Variants in ZNF451 observed in about 807,000 individuals in gnomAD.
ZNF451 encodes zinc finger protein 451, also known as E3 SUMO-protein ligase ZNF451.
ZNF451 carries 80 observed loss-of-function variants against 107.1 expected under a neutral mutation model. The ratio of observed to expected loss-of-function variants is 0.75; its 90% confidence interval spans 0.62 to 0.90. The LOEUF is 0.90. Ranked by LOEUF, ZNF451 falls within the 40% of genes least tolerant of loss-of-function variation. The probability of loss-of-function intolerance (pLI) is 0.00; values close to 1 mark genes in which losing one functional copy is unlikely to be tolerated. For synonymous variants in ZNF451, 362 were observed against 406.5 expected (o/e 0.89, Z 1.32); for missense variants, 1,107 against 1,236.2 (o/e 0.90, Z 1.57).
chr6:57,104,358 TTA>T lies in ZNF451; in HGVS notation c.186+5219_186+5220del, dbSNP rs568149502. ...AGTGGTGAGAGACCTTGGAAATGTT[TTA>T]TGTGGCTGCACATAAGTGTTTCTGA... On this transcript the variant is annotated intron_variant, in intron 3 of 14. Transcript: ENST00000370706. 1.3e-3 allele frequency: 1,297 copies of T among 985,426 alleles called. 2 individuals carry two copies. Among genetic ancestry groups the T allele is most frequent in the Middle Eastern group, 2.6e-3 (5 of 1,914 alleles). The allele number at this position is 985,426 out of a possible 1,614,324, so 61.0% of individuals were successfully genotyped here.
At chr6:57,094,998 C>G (rs896500919) in intron 2 of ZNF451, among the ~76,000 whole-genome samples, 1 of 152,118 alleles carries the variant, frequency 6.6e-6, no homozygotes, top group Non-Finnish European at 1.5e-5. Flanking sequence ...TTGCACAAGG[C>G]ATGGTACAGG....
chr6:57,134,624 A>T, intron 6 of ZNF451, 120 bp from the exon 7 acceptor site: 2 of 794,430 alleles, frequency 2.5e-6, no homozygotes, highest in Non-Finnish European at 3.9e-6. Context: ...ATATTTCAGT[A>T]GAAAAGTGCA....
intron 10 of ZNF451, among the ~76,000 whole-genome samples, chr6:57,149,704 A>G (rs1036431474): frequency 3.9e-5 from 6 of 152,236 alleles, no homozygotes; most frequent in Non-Finnish European, 7.3e-5. Flanking sequence ...AGATTTCAAC[A>G]TCACCTTTAG....
chr6:57,154,024 A>G lies in ZNF451; in HGVS notation c.3047A>G (p.Asn1016Ser), dbSNP rs777130057. 23 of 1,614,172 alleles carry G rather than the reference A, an allele frequency of 1.4e-5. No homozygotes were observed. The highest frequency in any genetic ancestry group is 1.8e-5 in the Non-Finnish European group (21 of 1,180,024). ...LEGDMMCALL[N>S]SISDTTKECD... ...GGAGATATGATGTGTGCCTTGTTAA[A>G]TAGCATATCTGATACCACCAAAGGT... The change falls in exon 13 of 15, where the codon AAT becomes AGT. Residue 1016 changes from asparagine (N) to serine (S), a missense_variant. Physicochemically the swap from Asn to Ser is conservative, Grantham distance 46. Transcript: ENST00000370706.
At chr6:57,102,551 T>C in intron 3 of ZNF451, 4 of 987,864 alleles carry the variant, frequency 4.0e-6, no homozygotes, top group Non-Finnish European at 4.8e-6. Flanking sequence ...TGCTTCCTTG[T>C]TCAGGCTTCA....
chr6:57,106,473 A>G (rs557839787), intron 3 of ZNF451: 1 of 567,570 alleles, frequency 1.8e-6, no homozygotes, highest in South Asian at 7.8e-5. Flanking sequence ...TGACCTGCTA[A>G]TTTTGTATTT....
chr6:57,101,061 C>A, intron 3 of ZNF451: 1 of 1,550,588 alleles, frequency 6.4e-7, no homozygotes, highest in Admixed American at 2.0e-5. Context: ...CAAGTGAGAA[C>A]TCCTCAGTTC....
intron 2 of ZNF451, among the ~76,000 whole-genome samples, chr6:57,093,974 A>T (rs1376011877): frequency 1.3e-5 from 2 of 152,230 alleles, no homozygotes; most frequent in Admixed American, 6.5e-5. Flanking sequence ...ATGGGGGGAA[A>T]AATGAATTAT....
chr6:57,159,526 T>G (rs1228856310), intron 13 of ZNF451: 8 of 107,494 alleles, frequency 7.4e-5, no homozygotes, highest in South Asian at 2.5e-4. Flanking sequence ...ATTATAAGAG[T>G]TTTTTTTTTT....
At chr6:57,164,948 A>G (rs1763830227) in intron 14 of ZNF451, 1 of 152,186 alleles carries the variant, frequency 6.6e-6, no homozygotes, top group Admixed American at 6.5e-5. Flanking sequence ...TTTAATTTCA[A>G]TCTGAGAGAT....
intron 3 of ZNF451, chr6:57,106,537 C>G: frequency 1.1e-6 from 1 of 900,400 alleles, no homozygotes; most frequent in Non-Finnish European, 1.3e-6. Context: ...AACTCCTGAC[C>G]TCAAGTGATC....
rs146152678 is a variant in ZNF451 at position 57,147,570 on chromosome 6, A to G, written c.1485A>G (p.Thr495=). 1.8e-4 allele frequency: 291 copies of G among 1,614,030 alleles called. No homozygotes were observed. Among genetic ancestry groups the G allele is most frequent in the Non-Finnish European group, 2.4e-4 (278 of 1,180,000 alleles). ...AAAAGCATGTTTTCTCAGCAAACACAATGGGTTATAAATGTGTGGTCTGTG... is the reference window on the plus strand; with the variant it reads ...AAAAGCATGTTTTCTCAGCAAACACGATGGGTTATAAATGTGTGGTCTGTG... ...AVEKHVFSAN[T]MGYKCVVCGK... is the part of the protein sequence containing the mutation. Residue 495 remains threonine, a synonymous_variant, in exon 10 of 15, where the codon ACA becomes ACG. Transcript: ENST00000370706.
In ZNF451 at chr6:57,153,856, C is replaced by T; in HGVS notation, c.2884-5C>T. 1 of 1,613,898 alleles carries T rather than the reference C, an allele frequency of 6.2e-7. No homozygotes were observed. The highest frequency in any genetic ancestry group is 8.5e-7 in the Non-Finnish European group (1 of 1,179,980). The stretch of plus-strand genomic sequence containing the variant: ...TATCAACCTGTGCCATTTGTTCTAA[C>T]TTAGGCTGGCCGTCTAGATGAACAA... On this transcript the variant is annotated splice_region_variant and splice_polypyrimidine_tract_variant and intron_variant, in intron 12 of 14. Transcript: ENST00000370706.
intron 3 of ZNF451, chr6:57,102,187 A>T: frequency 7.0e-7 from 1 of 1,428,592 alleles, no homozygotes; most frequent in South Asian, 1.6e-5. Flanking sequence ...CAGGTAGGAG[A>T]TCATCTCAAA....
chr6:57,156,039 G>T (rs1763406143), intron 13 of ZNF451, among the ~76,000 whole-genome samples: 1 of 151,692 alleles, frequency 6.6e-6, no homozygotes, highest in South Asian at 2.1e-4. Flanking sequence ...TCATTTTTTT[G>T]TATTTATATG....
intron 7 of ZNF451, among the ~76,000 whole-genome samples, chr6:57,140,677 GA>G (rs1440552234): frequency 2.6e-5 from 4 of 151,780 alleles, no homozygotes; most frequent in Non-Finnish European, 5.9e-5. Context: ...CTTAAAAAAA[GA>G]AAAAAACTGA....
Position 57,105,157 on chromosome 6 carries a change from A to C in ZNF451, c.186+6016A>C, listed in dbSNP as rs1829789525. 2.0e-6 allele frequency: 2 copies of C among 985,318 alleles called. 1 individual carries two copies. Among genetic ancestry groups the C allele is most frequent in the South Asian group, 9.4e-5 (2 of 21,292 alleles). 61.0% of individuals were successfully genotyped at this position (985,318 alleles called of 1,614,324 possible). On this transcript the variant is annotated intron_variant, in intron 3 of 14. Transcript: ENST00000370706. ...GCCTGCCATGTTCAGAACCTGCAAC[A>C]AAATTCCCTACTAGGCCAACCTCTA...
At chr6:57,102,187 ATCATCTC>A in intron 3 of ZNF451, 1 of 1,428,592 alleles carries the variant, frequency 7.0e-7, no homozygotes, top group Non-Finnish European at 9.1e-7. Context: ...CAGGTAGGAG[ATCATCTC>A]AAAAACTGGA....
At chr6:57,136,618 T>G (rs1302204739) in intron 7 of ZNF451, among the ~76,000 whole-genome samples, 2 of 152,198 alleles carry the variant, frequency 1.3e-5, no homozygotes, top group East Asian at 3.9e-4. Context: ...CATTCCGTAC[T>G]TTAGGGTTTG....
Sources: gnomAD v4.1 joint callset for allele counts (sites outside exome capture counted in the v4.1 genomes callset) on GRCh38, gnomAD v4.1.1 for gene constraint, MANE v1.5 for transcripts, NCBI Gene and HGNC (gene_info 2026-07-23, HGNC 2026-07-21) for gene names.